Variants in BEND3 observed in about 807,000 individuals in gnomAD.
BEND3 encodes BEN domain-containing protein 3.
Under a neutral mutation model 60.1 loss-of-function variants are expected in BEND3, and 13 were observed. The ratio of observed to expected loss-of-function variants is 0.22; its 90% CI spans 0.14 to 0.34. The LOEUF is 0.34. Ranked by LOEUF, BEND3 falls within the 10% of genes least tolerant of loss-of-function variation. The pLI is 1.00. For synonymous variants in BEND3, 497 were observed against 491.5 expected (o/e 1.01, Z -0.15); for missense variants, 896 against 1,138.1 (o/e 0.79, Z 3.06).
chr6:107,093,739 A>T (rs1775524810), intron 3 of BEND3, among the ~76,000 whole-genome samples: 1 of 152,180 alleles, frequency 6.6e-6, no homozygotes, highest in Non-Finnish European at 1.5e-5. Flanking sequence ...ACAAAAATCA[A>T]CTCAAAAGGG....
rs1407632830 is a variant in BEND3 at position 107,067,197 on chromosome 6, T to C, written c.*1507A>G. On this transcript the variant is annotated 3_prime_UTR_variant, in exon 4 of 4. Coordinates refer to ENST00000369042, the MANE Select transcript of BEND3 (RefSeq NM_001367314.1). ...GAATGAAGAAAATCCAGATTGTTTC[T>C]GTTATCTCTGCATTTTAAAGTAGCA... The C allele has an allele frequency of 1.3e-5, 2 of 152,216 alleles. No individual in the cohort carries two copies. The highest frequency in any genetic ancestry group is 2.9e-5 in the Non-Finnish European group (2 of 68,036). The allele number at this position is 152,216 out of a possible 1,614,324, so 9.4% of individuals were successfully genotyped here.
At chr6:107,073,706 G>T (rs1325328174) in intron 3 of BEND3, among the ~76,000 whole-genome samples, 1 of 152,056 alleles carries the variant, frequency 6.6e-6, no homozygotes, top group East Asian at 1.9e-4. Context: ...GACCAGCCTG[G>T]GCAACATGGT....
intron 3 of BEND3, among the ~76,000 whole-genome samples, chr6:107,079,833 A>G (rs1554233258): frequency 6.6e-6 from 1 of 151,888 alleles, no homozygotes; most frequent in East Asian, 1.9e-4. Flanking sequence ...TAGATGGAAT[A>G]AGGTATGGAA....
At chr6:107,113,616 CCTA>C (rs1457029076) in intron 1 of BEND3, among the ~76,000 whole-genome samples, 1 of 152,000 alleles carries the variant, frequency 6.6e-6, no homozygotes, top group Non-Finnish European at 1.5e-5. Flanking sequence ...GCACTGAACG[CCTA>C]CTAAGTTATG....
chr6:107,074,824 G>A (rs563123875), intron 3 of BEND3, among the ~76,000 whole-genome samples: 48 of 152,222 alleles, frequency 3.2e-4, no homozygotes, highest in Non-Finnish European at 5.4e-4. Flanking sequence ...GGGAGGAGCC[G>A]GGCACGGTGG....
At position 107,070,324 on chromosome 6, in the gene BEND3, A is replaced by G; in HGVS notation, c.867T>C (p.Ser289=). 6.2e-7 allele frequency: 1 copy of G among 1,612,692 alleles called. No individual in the cohort carries two copies. Among genetic ancestry groups the G allele is most frequent in the South Asian group, 1.1e-5 (1 of 91,056 alleles). The change falls in exon 4 of 4, where the codon AGT becomes AGC. Residue 289 remains serine, a synonymous_variant. Coordinates refer to ENST00000369042, the MANE Select transcript of BEND3 (RefSeq NM_001367314.1). The surrounding 1 kb of genome is among the most constrained non-coding windows in gnomAD (Gnocchi z 6.9). ...FSDVDFSRGC[S]ACGFAAKRKL... is the part of the protein sequence containing the mutation. ...TGCGCTTGGCCGCAAAGCCACAGGC[A>G]CTGCAGCCCCGGGAGAAGTCCACGT...
At chr6:107,096,813 G>T (rs548734572) in intron 3 of BEND3, among the ~76,000 whole-genome samples, 1 of 151,946 alleles carries the variant, frequency 6.6e-6, no homozygotes, top group Non-Finnish European at 1.5e-5. Context: ...ATTAAACTAG[G>T]GCTGAGCGCG....
intron 3 of BEND3, among the ~76,000 whole-genome samples, chr6:107,091,438 A>G (rs1775473136): frequency 6.6e-6 from 1 of 152,186 alleles, no homozygotes; most frequent in Non-Finnish European, 1.5e-5. Flanking sequence ...TAGAGAGAGA[A>G]AGAGGACACA....
intron 3 of BEND3, among the ~76,000 whole-genome samples, chr6:107,096,001 G>T (rs1341927995): frequency 6.6e-6 from 1 of 152,130 alleles, no homozygotes; most frequent in African/African-American, 2.4e-5. Flanking sequence ...CTATACAATA[G>T]CAAGAGTGAG....
chr6:107,102,578 G>A (rs1294110606), intron 1 of BEND3, among the ~76,000 whole-genome samples: 10 of 152,190 alleles, frequency 6.6e-5, no homozygotes, highest in African/African-American at 1.9e-4. Flanking sequence ...AAACACTTCC[G>A]TGTCCATTTA....
At chr6:107,082,544 C>T (rs1448447843) in intron 3 of BEND3, among the ~76,000 whole-genome samples, 1 of 152,168 alleles carries the variant, frequency 6.6e-6, no homozygotes, top group Non-Finnish European at 1.5e-5. Flanking sequence ...AAGCGATTCT[C>T]CTGCCTCAGC....
At chr6:107,091,337 G>A (rs185556450) in intron 3 of BEND3, among the ~76,000 whole-genome samples, 83 of 151,956 alleles carry the variant, frequency 5.5e-4, no homozygotes, top group African/African-American at 2.0e-3. Flanking sequence ...AATTACTAAC[G>A]GGAAATCAAT....
rs141741155 is a variant in BEND3 at position 107,070,912 on chromosome 6, C to G, written c.279G>C (p.Ser93=). 6.2e-7 allele frequency: 1 copy of G among 1,613,454 alleles called. No homozygotes were observed. The change falls in exon 4 of 4, where the codon TCG becomes TCC. Residue 93 remains serine, a synonymous_variant. Coordinates refer to ENST00000369042, the MANE Select transcript of BEND3 (RefSeq NM_001367314.1). The surrounding 1 kb of genome is among the most constrained non-coding windows in gnomAD (Gnocchi z 6.9). ...CCTGCTCACCATTGCCTTGGCAGGG[C>G]GAGCTGTTCTCACGGTTCCGCATGC... ...LAGMRNRENS[S]PCQGNGEQAG...
At chr6:107,075,213 G>A (rs2115000571) in intron 3 of BEND3, among the ~76,000 whole-genome samples, 1 of 151,454 alleles carries the variant, frequency 6.6e-6, no homozygotes, top group Admixed American at 6.6e-5. Flanking sequence ...GCGACAGAGT[G>A]AGACTGTGTC....
intron 3 of BEND3, among the ~76,000 whole-genome samples, chr6:107,083,479 A>G (rs1554233804): frequency 6.6e-6 from 1 of 151,852 alleles, no homozygotes; most frequent in East Asian, 1.9e-4. Flanking sequence ...ACAACCCCCA[A>G]AAACAAAATT....
chr6:107,089,274 T>C (rs1775421515), intron 3 of BEND3, among the ~76,000 whole-genome samples: 1 of 152,176 alleles, frequency 6.6e-6, no homozygotes, highest in South Asian at 2.1e-4. Context: ...AGTGAAATAT[T>C]ATCCATGCTA....
Position 107,103,780 on chromosome 6 carries a change from C to T in BEND3, c.-11-4484G>A, listed in dbSNP as rs1775750007. ...CCTGACCAACATGCAGAAACCCCAT[C>T]TCTACTAAAAATACAAAATTAGCTG... On this transcript the variant is annotated intron_variant, in intron 1 of 3. Coordinates refer to ENST00000369042, the MANE Select transcript of BEND3 (RefSeq NM_001367314.1). 2.0e-5 allele frequency among the ~76,000 whole-genome samples: 3 copies of T among 152,034 alleles called. No homozygotes were observed. The South Asian group carries it at 6.2e-4, about 32-fold the overall frequency.
chr6:107,098,594 A>C lies in BEND3; in HGVS notation c.197T>G (p.Leu66Arg), dbSNP rs782565108. ...KRKQLVSDGL[L>R]DSVPGVKRRR... ...CCTCTTCACGCCGGGGACAGAGTCT[A>C]GCAGGCCATCGCTGACCAGCTGCTT... The change falls in exon 3 of 4, where the codon CTA (leucine) becomes CGA (arginine). Residue 66 changes from leucine to arginine, a missense_variant. By Grantham distance (102) the Leu-to-Arg change is moderately radical (BLOSUM62 -2). Transcript: ENST00000369042. 6.2e-7 allele frequency: 1 copy of C among 1,613,742 alleles called. No individual in the cohort carries two copies. Among genetic ancestry groups the C allele is most frequent in the Non-Finnish European group, 8.5e-7 (1 of 1,180,022 alleles).
chr6:107,068,432 TG>T lies in BEND3; in HGVS notation c.*271del. 1 of 427,074 alleles carries T rather than the reference TG, an allele frequency of 2.3e-6. No individual in the cohort carries two copies. The highest frequency in any genetic ancestry group is 4.2e-6 in the Non-Finnish European group (1 of 240,162). 26.5% of individuals were successfully genotyped at this position (427,074 alleles called of 1,614,324 possible). ...CCAGGGAGAGAGGACCCCTAACCTC[TG>T]GTCCCTGCCCTCACAGCTTGCTCTC... On this transcript the variant is annotated 3_prime_UTR_variant, in exon 4 of 4. Transcript: ENST00000369042. The surrounding 1 kb of genome is among the most constrained non-coding windows in gnomAD (Gnocchi z 5.8).
Sources: allele counts gnomAD v4.1 joint callset (sites outside exome capture counted in the v4.1 genomes callset), GRCh38; gene constraint gnomAD v4.1.1; non-coding constraint Gnocchi (gnomAD v3.1); transcripts MANE v1.5; gene names NCBI Gene and HGNC (gene_info 2026-07-23, HGNC 2026-07-21).